The following MYLK variants were observed in gnomAD, a reference collection of about 807,000 sequenced individuals.
MYLK encodes the protein myosin light chain kinase, also known as myosin light chain kinase, smooth muscle.
In MYLK, 106 loss-of-function variants were observed where a neutral mutation model predicts 203.4. That is an observed-to-expected ratio of 0.52 (90% CI 0.45 to 0.61). MYLK has a LOEUF of 0.61. Among genes scored for constraint, MYLK ranks in the 20% least tolerant of loss-of-function variants. The pLI is 0.00. For synonymous variants in MYLK, 867 were observed against 959.5 expected (o/e 0.90, Z 1.78); for missense variants, 2,072 against 2,442.3 (o/e 0.85, Z 3.20).
chr3:123,676,606 A>G (rs977492948), intron 20 of MYLK, among the ~76,000 whole-genome samples: 1 of 152,258 alleles, frequency 6.6e-6, no homozygotes, highest in Non-Finnish European at 1.5e-5. Context: ...GGGATGTTCC[A>G]AAGTGACTGA....
chr3:123,774,596 G>T (rs147827938), intron 4 of MYLK, among the ~76,000 whole-genome samples: 1 of 152,136 alleles, frequency 6.6e-6, no homozygotes, highest in African/African-American at 2.4e-5. Context: ...ACAGAATCAC[G>T]GGCAAGAAAG....
rs1012722197 is a variant in MYLK at position 123,689,710 on chromosome 3, C to T, written c.3565+3025G>A. 7 of 152,334 alleles carry T rather than the reference C, an allele frequency of 4.6e-5. No homozygotes were observed. The South Asian group carries it at 1.5e-3, about 32-fold the overall frequency. 9.4% of individuals were successfully genotyped at this position (152,334 alleles called of 1,614,324 possible). A position where few individuals can be genotyped will look rare whatever the true frequency, so the allele number is the denominator to read the frequency against. ...AGGCATTGAAGGTCAGCTTGTTCTC[C>T]TCCTGGGTGAGTTTTCGGGCAAGTC... On this transcript the variant is annotated intron_variant, in intron 19 of 33. Coordinates refer to ENST00000360304, the MANE Select transcript of MYLK (RefSeq NM_053025.4).
At chr3:123,671,005 C>T (rs984778879) in intron 20 of MYLK, among the ~76,000 whole-genome samples, 5 of 152,316 alleles carry the variant, frequency 3.3e-5, no homozygotes, top group East Asian at 1.9e-4. Flanking sequence ...CCAGCTCTTG[C>T]GGGACAGATC....
intron 2 of MYLK, among the ~76,000 whole-genome samples, chr3:123,858,469 G>C (rs1328625930): frequency 6.6e-6 from 1 of 152,074 alleles, no homozygotes; most frequent in Non-Finnish European, 1.5e-5. Context: ...AATTACAGAG[G>C]CTGAGAAGTA....
At chr3:123,626,991 G>A (rs1347073350) in intron 30 of MYLK, 50 bp from the exon 31 acceptor site, 2 of 1,611,594 alleles carry the variant, frequency 1.2e-6, no homozygotes, top group Non-Finnish European at 1.7e-6. Flanking sequence ...AGACCTCAGA[G>A]ACCACTGGTT....
intron 33 of MYLK, among the ~76,000 whole-genome samples, chr3:123,615,038 C>T: frequency 6.6e-6 from 1 of 150,788 alleles, no homozygotes; most frequent in Non-Finnish European, 1.5e-5. Context: ...TGGTCTCAAA[C>T]TCCTGGGCTC....
At chr3:123,689,819 T>G (rs1576565036) in intron 19 of MYLK, 1 of 152,226 alleles carries the variant, frequency 6.6e-6, no homozygotes, top group Admixed American at 6.5e-5. Flanking sequence ...AAGGGTGATA[T>G]GACCATAATC....
At position 123,648,911 on chromosome 3, in the gene MYLK, C is replaced by G. The variant is rs1197574067; in HGVS notation, c.4415+60G>C. ...CAGGAAGCTGAGGCACTGAATCTAA[C>G]TGTGAGACCCGCACCACCCTCACCC... is the stretch of plus-strand genomic sequence containing the variant. On this transcript the variant is annotated intron_variant, in intron 26 of 33. Coordinates refer to ENST00000360304, the MANE Select transcript of MYLK (RefSeq NM_053025.4). This position sits in a 1 kb window ranked among gnomAD's most constrained non-coding sequence, Gnocchi z 4.5. 2.1e-6 allele frequency: 3 copies of G among 1,442,900 alleles called. No individual in the cohort carries two copies. Among genetic ancestry groups the G allele is most frequent in the Non-Finnish European group, 2.9e-6 (3 of 1,026,226 alleles). 89.4% of individuals were successfully genotyped at this position (1,442,900 alleles called of 1,614,324 possible).
chr3:123,702,551 C>T (rs764928472), intron 16 of MYLK, among the ~76,000 whole-genome samples: 12 of 152,204 alleles, frequency 7.9e-5, no homozygotes, highest in Non-Finnish European at 1.3e-4. Context: ...TGGATGTGGC[C>T]GTCTCACTAG....
intron 4 of MYLK, among the ~76,000 whole-genome samples, chr3:123,781,387 A>C (rs1189183713): frequency 1.3e-5 from 2 of 152,236 alleles, no homozygotes; most frequent in East Asian, 3.8e-4. Context: ...GCCTGGCCTC[A>C]TCCTTCAGTC....
At chr3:123,822,458 A>G (rs951843486) in intron 3 of MYLK, among the ~76,000 whole-genome samples, 10 of 152,206 alleles carry the variant, frequency 6.6e-5, no homozygotes, top group Non-Finnish European at 1.5e-4. Context: ...AGTTCTGTGT[A>G]AGAAACCTTC....
At chr3:123,739,376 T>C (rs1205320189) in intron 6 of MYLK, among the ~76,000 whole-genome samples, 1 of 152,218 alleles carries the variant, frequency 6.6e-6, no homozygotes. Flanking sequence ...AAGAGCTGTA[T>C]GCCACTTCCA....
chr3:123,701,405 T>C (rs2061217512), intron 17 of MYLK, 33 bp downstream of exon 17: 2 of 1,610,112 alleles, frequency 1.2e-6, no homozygotes, highest in East Asian at 2.2e-5. Context: ...GATGGGGGCA[T>C]GGCCTGGAGG....
chr3:123,839,003 G>A (rs1056109026), intron 2 of MYLK, among the ~76,000 whole-genome samples: 25 of 152,138 alleles, frequency 1.6e-4, no homozygotes, highest in Admixed American at 1.5e-3. Context: ...GCTGAGGCAG[G>A]AGAATTGCCT....
chr3:123,759,993 C>T (rs1265572584), intron 4 of MYLK, among the ~76,000 whole-genome samples: 1 of 152,192 alleles, frequency 6.6e-6, no homozygotes. Flanking sequence ...AAAAAAAAGT[C>T]CCACCTACTT....
At chr3:123,711,117 G>C (rs1166169906) in intron 13 of MYLK, among the ~76,000 whole-genome samples, 1 of 151,864 alleles carries the variant, frequency 6.6e-6, no homozygotes, top group Non-Finnish European at 1.5e-5. Flanking sequence ...ATGCCAAAGA[G>C]AGAGTGCATG....
chr3:123,634,966 T>G (rs1247220005), intron 29 of MYLK, among the ~76,000 whole-genome samples: 1 of 152,008 alleles, frequency 6.6e-6, no homozygotes, highest in Non-Finnish European at 1.5e-5. Context: ...GGGGTAAGAG[T>G]GTGGGGGCTC....
intron 3 of MYLK, among the ~76,000 whole-genome samples, chr3:123,828,624 A>T (rs2066218327): frequency 6.6e-6 from 1 of 152,168 alleles, no homozygotes. Flanking sequence ...TCAAATGAAA[A>T]TGTTTCTGCA....
At chr3:123,834,370 T>A (rs1305774689) in intron 2 of MYLK, among the ~76,000 whole-genome samples, 1 of 152,086 alleles carries the variant, frequency 6.6e-6, no homozygotes, top group Non-Finnish European at 1.5e-5. Flanking sequence ...CTTTTTAATA[T>A]CAACATTTGA....
Sources: allele counts gnomAD v4.1 joint callset (sites outside exome capture counted in the v4.1 genomes callset), GRCh38; gene constraint gnomAD v4.1.1; non-coding constraint Gnocchi (gnomAD v3.1); transcripts MANE v1.5; gene names NCBI Gene and HGNC (gene_info 2026-07-23, HGNC 2026-07-21).